CACNB2: variants seen among roughly 807,000 people sequenced by gnomAD.
CACNB2 encodes the protein voltage-dependent L-type calcium channel subunit beta-2.
CACNB2 carries 42 observed loss-of-function variants against 73.3 expected under a neutral mutation model. The ratio of observed to expected loss-of-function variants is 0.57; its 90% CI spans 0.45 to 0.74. The LOEUF (loss-of-function observed/expected upper bound fraction) is 0.74, where lower values mean the gene tolerates loss of function less well. Ranked by LOEUF, CACNB2 falls within the 30% of genes least tolerant of loss-of-function variation. CACNB2 has a pLI of 0.00. For missense variants in CACNB2, 940 were observed against 853.0 expected, an observed-to-expected ratio of 1.10 and a Z score of -1.27; for synonymous variants, 348 against 310.3, an observed-to-expected ratio of 1.12 and a Z score of -1.28.
intron 9 of CACNB2, among the ~76,000 whole-genome samples, chr10:18,522,895 A>G (rs2052063594): frequency 2.0e-5 from 2 of 97,564 alleles, no homozygotes; most frequent in African/African-American, 3.8e-5. Flanking sequence ...AAAAAAAAAA[A>G]AAAAAAAAAA....
At chr10:18,380,723 G>A (rs1300768222) in intron 2 of CACNB2, among the ~76,000 whole-genome samples, 1 of 151,892 alleles carries the variant, frequency 6.6e-6, no homozygotes, top group Admixed American at 6.6e-5. Flanking sequence ...CCAAAGTGAT[G>A]GGGTTATAAG....
intron 3 of CACNB2, among the ~76,000 whole-genome samples, chr10:18,495,106 T>C (rs989410462): frequency 1.3e-5 from 2 of 152,142 alleles, no homozygotes; most frequent in African/African-American, 4.8e-5. Flanking sequence ...AAAATAATTC[T>C]AAGTAGAAAG....
At chr10:18,178,656 G>A (rs544728573) in intron 2 of CACNB2, among the ~76,000 whole-genome samples, 3 of 152,156 alleles carry the variant, frequency 2.0e-5, no homozygotes, top group African/African-American at 7.2e-5. Flanking sequence ...TTGGGTAAAA[G>A]CAAACATCTG....
intron 2 of CACNB2, among the ~76,000 whole-genome samples, chr10:18,348,129 T>C (rs1355846719): frequency 6.6e-6 from 1 of 152,256 alleles, no homozygotes; most frequent in African/African-American, 2.4e-5. Flanking sequence ...ATGTGGCCTC[T>C]GTTGACGAAA....
chr10:18,192,596 C>T (rs77726527), intron 2 of CACNB2, among the ~76,000 whole-genome samples: 3,367 of 152,190 alleles, frequency 0.022, 40 homozygotes, highest in African/African-American at 0.038. Flanking sequence ...AACACATTTC[C>T]GCCACACCTA....
chr10:18,262,536 A>AG (rs748182419), intron 2 of CACNB2, among the ~76,000 whole-genome samples: 9 of 152,240 alleles, frequency 5.9e-5, no homozygotes, highest in East Asian at 3.8e-4. Context: ...CGACATCTGC[A>AG]GGGATAGATG....
At chr10:18,236,552 TA>T (rs1441829619) in intron 2 of CACNB2, among the ~76,000 whole-genome samples, 2 of 152,212 alleles carry the variant, frequency 1.3e-5, no homozygotes, top group South Asian at 4.1e-4. Context: ...TGCAGAAACT[TA>T]AATGCCAATT....
rs142969045 is a variant in CACNB2 at position 18,312,475 on chromosome 10, A to G, written c.214-89449A>G. Among the ~76,000 whole-genome samples the G allele has an allele frequency of 2.5e-4, 38 of 152,334 alleles. No homozygotes were observed. In the East Asian group the frequency reaches 3.7e-3, roughly 15 times the overall value. ...TCCTAGCTCAGCCAGTTAAGATTAT[A>G]TAACAGCCAGAAATATTGGCCCAGA... On this transcript the variant is annotated intron_variant, in intron 2 of 13. Coordinates refer to ENST00000324631, the MANE Select transcript of CACNB2 (RefSeq NM_201596.3).
At chr10:18,253,712 T>C (rs2037174825) in intron 2 of CACNB2, among the ~76,000 whole-genome samples, 1 of 152,142 alleles carries the variant, frequency 6.6e-6, no homozygotes, top group Non-Finnish European at 1.5e-5. Context: ...CTTTCTCACT[T>C]CCTCCACTCC....
chr10:18,189,871 T>A (rs894961144), intron 2 of CACNB2, among the ~76,000 whole-genome samples: 1 of 152,232 alleles, frequency 6.6e-6, no homozygotes, highest in Non-Finnish European at 1.5e-5. Flanking sequence ...GATCTTTGCA[T>A]GTTTACTAGG....
intron 2 of CACNB2, among the ~76,000 whole-genome samples, chr10:18,177,411 G>A (rs906042953): frequency 2.0e-5 from 3 of 151,266 alleles, no homozygotes; most frequent in African/African-American, 7.3e-5. Flanking sequence ...CTTGAGGTGA[G>A]GGGTTTGAGA....
At chr10:18,507,605 T>G (rs1024526644) in intron 6 of CACNB2, among the ~76,000 whole-genome samples, 1 of 152,164 alleles carries the variant, frequency 6.6e-6, no homozygotes, top group Non-Finnish European at 1.5e-5. Context: ...CATGGAATTC[T>G]ATATAGACAG....
chr10:18,484,219 C>A, intron 3 of CACNB2, among the ~76,000 whole-genome samples: 1 of 152,032 alleles, frequency 6.6e-6, no homozygotes, highest in East Asian at 1.9e-4. Context: ...CATGGTGAAA[C>A]TCCATCTGTA....
At chr10:18,486,703 G>A (rs1052449514) in intron 3 of CACNB2, among the ~76,000 whole-genome samples, 2 of 152,188 alleles carry the variant, frequency 1.3e-5, no homozygotes, top group Non-Finnish European at 2.9e-5. Context: ...GCAGTGAGAT[G>A]AGGGACTTCA....
intron 12 of CACNB2, among the ~76,000 whole-genome samples, chr10:18,537,868 C>T (rs1265447156): frequency 7.2e-5 from 11 of 152,162 alleles, no homozygotes; most frequent in Admixed American, 7.2e-4. Context: ...ATATATACAT[C>T]TCTTTTCTAC....
At chr10:18,288,235 C>G (rs2038888737) in intron 2 of CACNB2, among the ~76,000 whole-genome samples, 1 of 152,196 alleles carries the variant, frequency 6.6e-6, no homozygotes, top group Non-Finnish European at 1.5e-5. Flanking sequence ...AACTCAAACC[C>G]ATAACAACAT....
intron 3 of CACNB2, among the ~76,000 whole-genome samples, chr10:18,415,138 T>C (rs2132663902): frequency 6.6e-6 from 1 of 152,284 alleles, no homozygotes; most frequent in African/African-American, 2.4e-5. Flanking sequence ...GCTAAAAATG[T>C]GTATCACTGA....
intron 3 of CACNB2, among the ~76,000 whole-genome samples, chr10:18,424,539 A>G (rs886804736): frequency 6.6e-6 from 1 of 152,130 alleles, no homozygotes; most frequent in Admixed American, 6.6e-5. Flanking sequence ...ACTAGTCCTC[A>G]GTCTGGTCGG....
intron 3 of CACNB2, among the ~76,000 whole-genome samples, chr10:18,467,627 A>G (rs2047964806): frequency 6.6e-6 from 1 of 152,232 alleles, no homozygotes; most frequent in Non-Finnish European, 1.5e-5. Context: ...GCAGTAGGAG[A>G]AATTGGAAAA....
Sources: gnomAD v4.1 joint callset for allele counts (sites outside exome capture counted in the v4.1 genomes callset) on GRCh38, gnomAD v4.1.1 for gene constraint, MANE v1.5 for transcripts, NCBI Gene and HGNC (gene_info 2026-07-23, HGNC 2026-07-21) for gene names.